Variants in EBF1 observed in about 807,000 individuals in gnomAD.
EBF1 encodes EBF transcription factor 1, also known as transcription factor COE1.
A neutral mutation model predicts 68.4 loss-of-function variants in EBF1; 10 were observed. The observed-to-expected ratio is 0.15, with a 90% CI of 0.09 to 0.25. EBF1 has a LOEUF of 0.25. Among genes scored for constraint, EBF1 ranks in the 10% least tolerant of loss-of-function variants. The pLI is 1.00. For synonymous variants in EBF1, 298 were observed against 299.8 expected (o/e 0.99, Z 0.06); for missense variants, 509 against 794.4 (o/e 0.64, Z 4.32).
intron 7 of EBF1, among the ~76,000 whole-genome samples, chr5:158,826,882 C>G (rs1786266894): frequency 6.6e-6 from 1 of 151,978 alleles, no homozygotes; most frequent in Admixed American, 6.6e-5. Context: ...GATAGATATC[C>G]CTAAAAGGTA....
At chr5:158,995,809 T>C (rs1160244686) in intron 6 of EBF1, among the ~76,000 whole-genome samples, 6 of 152,170 alleles carry the variant, frequency 3.9e-5, no homozygotes, top group Admixed American at 2.6e-4. Flanking sequence ...ACTCCACCTA[T>C]GGGGAGGGTG....
chr5:159,021,733 A>T (rs1396391205), intron 6 of EBF1, among the ~76,000 whole-genome samples: 4 of 152,238 alleles, frequency 2.6e-5, no homozygotes, highest in Non-Finnish European at 5.9e-5. Context: ...AACGATCGTG[A>T]ACAATAAGGA....
At chr5:158,823,788 T>C (rs915046356) in intron 7 of EBF1, among the ~76,000 whole-genome samples, 1 of 152,202 alleles carries the variant, frequency 6.6e-6, no homozygotes, top group Non-Finnish European at 1.5e-5. Context: ...GGATGCATTT[T>C]TCTCTCCTGG....
intron 6 of EBF1, among the ~76,000 whole-genome samples, chr5:158,993,722 A>G (rs534396066): frequency 1.3e-5 from 2 of 152,318 alleles, no homozygotes; most frequent in Admixed American, 1.3e-4. Flanking sequence ...TGTAAAGATT[A>G]TCACTGCCAA....
intron 8 of EBF1, among the ~76,000 whole-genome samples, chr5:158,805,486 G>A (rs979807605): frequency 2.0e-5 from 3 of 152,080 alleles, no homozygotes; most frequent in Non-Finnish European, 4.4e-5. Flanking sequence ...CTTATGTCTG[G>A]AGGCAGGACC....
intron 5 of EBF1, among the ~76,000 whole-genome samples, chr5:159,083,656 C>G (rs1780112456): frequency 6.6e-6 from 1 of 152,176 alleles, no homozygotes; most frequent in Non-Finnish European, 1.5e-5. Context: ...GTTGCTTTCC[C>G]CCACAAGTCC....
chr5:159,054,653 C>A (rs1253761391), intron 6 of EBF1, among the ~76,000 whole-genome samples: 2 of 152,148 alleles, frequency 1.3e-5, no homozygotes, highest in South Asian at 2.1e-4. Context: ...GAATTATACA[C>A]CCTAAAAGTA....
At chr5:158,930,531 A>G (rs1810652723) in intron 6 of EBF1, among the ~76,000 whole-genome samples, 1 of 152,184 alleles carries the variant, frequency 6.6e-6, no homozygotes, top group African/African-American at 2.4e-5. Flanking sequence ...CTGTGCCACT[A>G]CACAATTCAG....
At chr5:158,979,910 T>A (rs1757562429) in intron 6 of EBF1, among the ~76,000 whole-genome samples, 1 of 152,202 alleles carries the variant, frequency 6.6e-6, no homozygotes, top group Admixed American at 6.5e-5. Context: ...TCTGGCCCCT[T>A]CCCTGCGTTC....
intron 7 of EBF1, among the ~76,000 whole-genome samples, chr5:158,835,555 A>G (rs962473912): frequency 2.6e-5 from 4 of 152,180 alleles, no homozygotes; most frequent in African/African-American, 9.7e-5. Context: ...ATCTCTTTTG[A>G]AGACCCCTCT....
chr5:158,768,854 G>A (rs1005662895), intron 10 of EBF1, among the ~76,000 whole-genome samples: 3 of 152,102 alleles, frequency 2.0e-5, no homozygotes, highest in Non-Finnish European at 4.4e-5. Context: ...TTATCATGAT[G>A]TTCGGTTTAA....
At chr5:158,861,080 G>C (rs2128030769) in intron 6 of EBF1, among the ~76,000 whole-genome samples, 1 of 152,260 alleles carries the variant, frequency 6.6e-6, no homozygotes, top group South Asian at 2.1e-4. Context: ...ACTCACTAAA[G>C]GGGTGATGAG....
At chr5:159,057,553 G>T (rs146514742) in intron 6 of EBF1, among the ~76,000 whole-genome samples, 104 of 152,290 alleles carry the variant, frequency 6.8e-4, no homozygotes, top group Middle Eastern at 3.4e-3. Context: ...TTGCACACAA[G>T]GTGAAATGGA....
In EBF1 at chr5:158,764,644, G is replaced by A. The variant is rs142215588; in HGVS notation, c.1036+12769C>T. 4.1e-3 allele frequency among the ~76,000 whole-genome samples: 620 copies of A among 152,232 alleles called. 3 individuals are homozygous for A. Among genetic ancestry groups the A allele is most frequent in the African/African-American group, 0.014 (588 of 41,560 alleles). On this transcript the variant is annotated intron_variant, in intron 10 of 15. Coordinates refer to ENST00000313708, the MANE Select transcript of EBF1 (RefSeq NM_024007.5). ...TCAGATTGTATCAGCTGGTGATAGCGCTGTCAATAAAAGAACTACATGTAC... is the reference window on the plus strand; with the variant it reads ...TCAGATTGTATCAGCTGGTGATAGCACTGTCAATAAAAGAACTACATGTAC...
In EBF1 at chr5:159,082,868, G is replaced by A. The variant is rs574107232; in HGVS notation, c.485+1798C>T. Among the ~76,000 whole-genome samples the A allele has an allele frequency of 8.5e-5, 13 of 152,138 alleles. No individual in the cohort carries two copies. In the South Asian group the frequency reaches 2.3e-3, roughly 27 times the overall value. On this transcript the variant is annotated intron_variant, in intron 5 of 15. Coordinates refer to ENST00000313708, the MANE Select transcript of EBF1 (RefSeq NM_024007.5). ...AGAATTTTATTTTTGCTATTTTTAT[G>A]TTTCTGAAAAATAGAAAGAACATCA...
intron 10 of EBF1, 137 bp from the exon 11 acceptor site, chr5:158,731,294 T>C (rs1302742566): frequency 3.5e-6 from 3 of 846,332 alleles, no homozygotes; most frequent in Non-Finnish European, 5.5e-6. Flanking sequence ...AAGATGGTTG[T>C]GTGAATGATC....
chr5:158,942,621 A>G (rs1813682522), intron 6 of EBF1, among the ~76,000 whole-genome samples: 1 of 152,116 alleles, frequency 6.6e-6, no homozygotes, highest in African/African-American at 2.4e-5. Flanking sequence ...AATTTCAAAT[A>G]CAAGGAAATA....
At chr5:158,865,003 C>T (rs1217046275) in intron 6 of EBF1, among the ~76,000 whole-genome samples, 1 of 152,190 alleles carries the variant, frequency 6.6e-6, no homozygotes, top group African/African-American at 2.4e-5. Context: ...CTATCATTTA[C>T]CTTCAGAAAC....
At chr5:158,846,551 A>T (rs979757996) in intron 6 of EBF1, among the ~76,000 whole-genome samples, 1 of 152,234 alleles carries the variant, frequency 6.6e-6, no homozygotes, top group African/African-American at 2.4e-5. Context: ...GAGCTCTGAG[A>T]AGAGGTAAAC....
Sources: allele counts gnomAD v4.1 joint callset (sites outside exome capture counted in the v4.1 genomes callset), GRCh38; gene constraint gnomAD v4.1.1; transcripts MANE v1.5; gene names NCBI Gene and HGNC (gene_info 2026-07-23, HGNC 2026-07-21).